Variants in UBL3 observed in about 807,000 individuals in gnomAD.
The protein encoded by UBL3 is ubiquitin-like protein 3.
Under a neutral mutation model 18.4 loss-of-function variants are expected in UBL3, and 6 were observed. The observed-to-expected ratio is 0.33, with a 90% CI of 0.18 to 0.64. UBL3 has a LOEUF of 0.64. Ranked by LOEUF, UBL3 falls within the 30% of genes least tolerant of loss-of-function variation. UBL3 has a pLI of 0.76. For synonymous variants in UBL3, 49 were observed against 46.6 expected (o/e 1.05, Z -0.21); for missense variants, 109 against 142.9 (o/e 0.76, Z 1.21).
intron 1 of UBL3, among the ~76,000 whole-genome samples, chr13:29,808,051 T>C (rs554051779): frequency 6.6e-6 from 1 of 152,212 alleles, no homozygotes; most frequent in South Asian, 2.1e-4. Flanking sequence ...AGAAATCAGG[T>C]ATATATGAGG....
chr13:29,836,347 TAAATAAATAAAC>T (rs964592108), intron 1 of UBL3, among the ~76,000 whole-genome samples: 2 of 108,688 alleles, frequency 1.8e-5, no homozygotes, highest in East Asian at 2.0e-4. Flanking sequence ...ACAGCAAAAA[TAAATAAATAAAC>T]AAATAAATAA....
chr13:29,815,251 T>G (rs1426749269), intron 1 of UBL3, among the ~76,000 whole-genome samples: 2 of 151,988 alleles, frequency 1.3e-5, no homozygotes, highest in African/African-American at 2.4e-5. Flanking sequence ...TTCTAAAGAC[T>G]CAGCTGAGAT....
chr13:29,787,229 T>A (rs1877344202), intron 1 of UBL3, among the ~76,000 whole-genome samples: 1 of 152,086 alleles, frequency 6.6e-6, no homozygotes, highest in Non-Finnish European at 1.5e-5. Context: ...ATAAATACAT[T>A]TCAGAATCAA....
At chr13:29,785,055 G>A (rs1046864400) in intron 1 of UBL3, among the ~76,000 whole-genome samples, 4 of 152,058 alleles carry the variant, frequency 2.6e-5, no homozygotes, top group Non-Finnish European at 4.4e-5. Flanking sequence ...ACAGGTGCAC[G>A]CCACCATGCC....
intron 1 of UBL3, among the ~76,000 whole-genome samples, chr13:29,804,987 A>G (rs1386292036): frequency 1.3e-5 from 2 of 152,204 alleles, no homozygotes; most frequent in African/African-American, 4.8e-5. Context: ...ACATATATAT[A>G]CAACTTGGTT....
In UBL3 at chr13:29,780,402, GTGTGTA is replaced by G. The variant is rs1333680254; in HGVS notation, c.28-3145_28-3140del. 6.0e-4 allele frequency among the ~76,000 whole-genome samples: 82 copies of G among 137,442 alleles called. 1 individual carries two copies. Among genetic ancestry groups the G allele is most frequent in the Middle Eastern group, 3.8e-3 (1 of 266 alleles). The allele number at this position is 137,442 out of a possible 152,430, so 90.2% of individuals were successfully genotyped here. A position where few individuals can be genotyped will look rare whatever the true frequency, so the allele number is the denominator to read the frequency against. ...TATATATATATATATGTGTGTGTGTGTGTGTATATATATATAATAAGTTATATATAT... is the reference window on the plus strand; with the variant it reads ...TATATATATATATATGTGTGTGTGTGTATATATATAATAAGTTATATATAT... On this transcript the variant is annotated intron_variant, in intron 1 of 4. Coordinates refer to ENST00000380680, the MANE Select transcript of UBL3 (RefSeq NM_007106.4).
chr13:29,831,496 G>A (rs1052442500), intron 1 of UBL3, among the ~76,000 whole-genome samples: 23 of 151,618 alleles, frequency 1.5e-4, no homozygotes, highest in Non-Finnish European at 3.1e-4. Flanking sequence ...GCTGAGGCAG[G>A]AGAATCGCTT....
At chr13:29,779,825 G>T (rs1027142490) in intron 1 of UBL3, among the ~76,000 whole-genome samples, 12 of 152,148 alleles carry the variant, frequency 7.9e-5, no homozygotes, top group African/African-American at 2.9e-4. Context: ...CTGTATTGAA[G>T]TTTTACCTCC....
rs545992398 is a variant in UBL3, at chr13:29,849,444, C to T, written c.27+68G>A. On this transcript the variant is annotated intron_variant, in intron 1 of 4. Coordinates refer to ENST00000380680, the MANE Select transcript of UBL3 (RefSeq NM_007106.4). ...CCAGCAAATCTTCGCCCCACGCCTG[C>T]CGTCTTTCCGATTAAATAAGATTGG... 9.4e-5 allele frequency: 151 copies of T among 1,607,882 alleles called. No homozygotes were observed. The East Asian group carries it at 3.2e-3, about 34-fold the overall frequency.
chr13:29,824,245 A>C (rs1026134662), intron 1 of UBL3, among the ~76,000 whole-genome samples: 1 of 152,174 alleles, frequency 6.6e-6, no homozygotes, highest in African/African-American at 2.4e-5. Context: ...GCTGGGTCAA[A>C]TGGTATTTCT....
chr13:29,794,748 T>C (rs1267012149), intron 1 of UBL3, among the ~76,000 whole-genome samples: 1 of 152,252 alleles, frequency 6.6e-6, no homozygotes, highest in African/African-American at 2.4e-5. Flanking sequence ...GTTAATCCTG[T>C]ATATTAATTT....
chr13:29,830,960 T>A (rs1369139995), intron 1 of UBL3, among the ~76,000 whole-genome samples: 1 of 152,208 alleles, frequency 6.6e-6, no homozygotes, highest in Non-Finnish European at 1.5e-5. Flanking sequence ...CCTTGCTGTA[T>A]CTGCTGTTGT....
chr13:29,845,523 A>AT (rs1293932384), intron 1 of UBL3, among the ~76,000 whole-genome samples: 1 of 151,938 alleles, frequency 6.6e-6, no homozygotes, highest in Non-Finnish European at 1.5e-5. Flanking sequence ...CTTTCATGGC[A>AT]TTTTCTCCTG....
At chr13:29,778,307 G>T (rs952443869) in intron 1 of UBL3, among the ~76,000 whole-genome samples, 1 of 152,150 alleles carries the variant, frequency 6.6e-6, no homozygotes, top group Admixed American at 6.5e-5. Context: ...CATTGTTAAT[G>T]TATTTCCCAA....
chr13:29,829,352 A>G (rs1288974091), intron 1 of UBL3, among the ~76,000 whole-genome samples: 2 of 152,206 alleles, frequency 1.3e-5, no homozygotes, highest in East Asian at 3.9e-4. Context: ...TCAAGCTTCT[A>G]GGCCGCTTTG....
chr13:29,847,614 G>A (rs982683017), intron 1 of UBL3, among the ~76,000 whole-genome samples: 3 of 152,198 alleles, frequency 2.0e-5, no homozygotes, highest in Admixed American at 2.0e-4. Flanking sequence ...CCTAAAGGAA[G>A]TAGCGGCACT....
In UBL3 at chr13:29,849,521, C is replaced by T; in HGVS notation, c.18G>A (p.Pro6=). ...CTTATCCGTCACTTACCATATCCGC[C>T]GGGACATTACTGGACATCTTGCCGT... MSSNV[P]ADMINLRLIL... Residue 6 remains proline (P), a synonymous_variant, in exon 1 of 5, where the codon CCG becomes CCA. Coordinates refer to ENST00000380680, the MANE Select transcript of UBL3 (RefSeq NM_007106.4). The T allele has an allele frequency of 6.2e-7, 1 of 1,613,960 alleles. No individual in the cohort carries two copies. The highest frequency in any genetic ancestry group is 1.1e-5 in the South Asian group (1 of 91,078).
chr13:29,773,111 A>G (rs925602730), intron 2 of UBL3, among the ~76,000 whole-genome samples: 7 of 152,194 alleles, frequency 4.6e-5, no homozygotes, highest in Non-Finnish European at 7.3e-5. Flanking sequence ...ATAGAAAGAG[A>G]TAATGGTTAA....
At chr13:29,774,456 T>G (rs1876928298) in intron 2 of UBL3, among the ~76,000 whole-genome samples, 1 of 152,154 alleles carries the variant, frequency 6.6e-6, no homozygotes, top group Non-Finnish European at 1.5e-5. Flanking sequence ...TAGAACAACA[T>G]CATTCTTGGG....
Sources: gnomAD v4.1 joint callset for allele counts (sites outside exome capture counted in the v4.1 genomes callset) on GRCh38, gnomAD v4.1.1 for gene constraint, MANE v1.5 for transcripts, NCBI Gene and HGNC (gene_info 2026-07-23, HGNC 2026-07-21) for gene names.